DIP2A: variants seen among roughly 807,000 people sequenced by gnomAD.
DIP2A encodes the protein DIP2 acetate--CoA ligase A, also known as disco-interacting protein 2 homolog A.
A neutral mutation model predicts 177.4 loss-of-function variants in DIP2A; 85 were observed. That is an observed-to-expected ratio of 0.48 (90% CI 0.40 to 0.57). The LOEUF is 0.57. DIP2A is among the 20% of genes least tolerant of loss of function. The pLI is 0.00. For synonymous variants in DIP2A, 886 were observed against 881.8 expected, an observed-to-expected ratio of 1.00 and a Z score of -0.08; for missense variants, 1,791 against 2,100.2, an observed-to-expected ratio of 0.85 and a Z score of 2.88.
intron 22 of DIP2A, chr21:46,550,206 A>G (rs926815413): frequency 1.3e-6 from 1 of 746,480 alleles, no homozygotes; most frequent in Non-Finnish European, 2.1e-6. Flanking sequence ...AGTCTGTGCA[A>G]TATATCTCAA....
At chr21:46,531,055 C>T (rs1312994743) in intron 9 of DIP2A, among the ~76,000 whole-genome samples, 5 of 152,064 alleles carry the variant, frequency 3.3e-5, no homozygotes, top group Non-Finnish European at 7.4e-5. Context: ...AGAAGATGTC[C>T]CTCAGCCACA....
At position 46,557,554 on chromosome 21, in the gene DIP2A, G is replaced by T; in HGVS notation, c.3630-31G>T. 1 of 1,588,854 alleles carries T rather than the reference G, an allele frequency of 6.3e-7. No homozygotes were observed. The highest frequency in any genetic ancestry group is 1.1e-5 in the South Asian group (1 of 89,712). ...GAGTGCCCAGGGTGCTGGGTGGGCG[G>T]GCGGAGCCTCACGAGCCTTCCCTCT... On this transcript the variant is annotated intron_variant, in intron 30 of 37. Coordinates refer to ENST00000417564, the MANE Select transcript of DIP2A (RefSeq NM_015151.4). This position sits in a 1 kb window ranked among gnomAD's most constrained non-coding sequence, Gnocchi z 6.0.
Position 46,556,176 on chromosome 21 carries a change from G to A in DIP2A, c.3498+85G>A, listed in dbSNP as rs936618040. ...AGGATGTCAGATGCAGATTTAAACT[G>A]ACAGGTCCTTCTTATGCAAAGCACA... On this transcript the variant is annotated intron_variant, in intron 29 of 37. Transcript: ENST00000417564. The surrounding 1 kb of genome is among the most constrained non-coding windows in gnomAD (Gnocchi z 4.5). 1.4e-6 allele frequency: 2 copies of A among 1,426,822 alleles called. No homozygotes were observed. The highest frequency in any genetic ancestry group is 4.6e-5 in the East Asian group (2 of 43,876). 88.4% of individuals were successfully genotyped at this position (1,426,822 alleles called of 1,614,324 possible). A position where few individuals can be genotyped will look rare whatever the true frequency, so the allele number is the denominator to read the frequency against.
intron 32 of DIP2A, 24 bp downstream of exon 32, chr21:46,558,417 C>G: frequency 6.4e-7 from 1 of 1,559,324 alleles, no homozygotes; most frequent in Non-Finnish European, 8.7e-7. Context: ...GGCTGCGGTT[C>G]TCGAAAGCTG....
At chr21:46,533,913 C>A in intron 11 of DIP2A, 91 bp from the exon 12 acceptor site, 1 of 1,129,224 alleles carries the variant, frequency 8.9e-7, no homozygotes, top group Non-Finnish European at 1.3e-6. Context: ...CGCTCAGTAG[C>A]TAGTGCTGCA....
At chr21:46,511,306 T>G in intron 7 of DIP2A, 111 bp from the exon 8 acceptor site, 1 of 1,172,650 alleles carries the variant, frequency 8.5e-7, no homozygotes, top group Non-Finnish European at 1.2e-6. Flanking sequence ...TATTGTAAGC[T>G]TTTTTATAGT....
At chr21:46,526,735 T>C (rs942862106) in intron 8 of DIP2A, among the ~76,000 whole-genome samples, 1 of 152,166 alleles carries the variant, frequency 6.6e-6, no homozygotes, top group Admixed American at 6.5e-5. Context: ...TCAAATGGTG[T>C]TTGTATGTTG....
At chr21:46,571,807 G>A (rs1327846890), downstream of DIP2A, among the ~76,000 whole-genome samples, 3 of 152,224 alleles carry the variant, frequency 2.0e-5, no homozygotes, top group Non-Finnish European at 2.9e-5. Flanking sequence ...GGGCTGAGAT[G>A]ATGGGGTTTT....
At chr21:46,529,262 C>G in intron 9 of DIP2A, 79 bp downstream of exon 9, 1 of 922,120 alleles carries the variant, frequency 1.1e-6, no homozygotes, top group Non-Finnish European at 1.6e-6. Flanking sequence ...AATTAGTGTT[C>G]TATCATTTAG....
At chr21:46,509,853 G>A (rs967257624) in intron 7 of DIP2A, among the ~76,000 whole-genome samples, 6 of 152,034 alleles carry the variant, frequency 3.9e-5, no homozygotes, top group Non-Finnish European at 7.3e-5. Context: ...TGAGTGTGTC[G>A]TTAGGGCCAC....
intron 6 of DIP2A, among the ~76,000 whole-genome samples, chr21:46,506,420 T>A (rs1000990956): frequency 2.0e-5 from 3 of 152,196 alleles, no homozygotes; most frequent in African/African-American, 7.2e-5. Context: ...ACCCAGCCTA[T>A]TTTAACTTTT....
chr21:46,550,881 G>A (rs535687416), intron 23 of DIP2A, 137 bp downstream of exon 23: 1 of 903,552 alleles, frequency 1.1e-6, no homozygotes, highest in African/African-American at 1.7e-5. Context: ...GCCAGAGCGA[G>A]TGTGCACCCC....
At chr21:46,475,969 C>T (rs1329639766) in intron 1 of DIP2A, among the ~76,000 whole-genome samples, 1 of 152,090 alleles carries the variant, frequency 6.6e-6, no homozygotes, top group African/African-American at 2.4e-5. Flanking sequence ...GGCGCAGTGG[C>T]TCACGCCTGT....
At chr21:46,511,370 C>T (rs775710010) in intron 7 of DIP2A, 47 bp from the exon 8 acceptor site, 381 of 1,523,174 alleles carry the variant, frequency 2.5e-4, no homozygotes, top group Non-Finnish European at 3.1e-4. Flanking sequence ...AGAATGTGTT[C>T]GTGGTGCTCT....
In DIP2A at chr21:46,569,130, G is replaced by T. The variant is rs777567730; in HGVS notation, c.*1508G>T. The T allele has an allele frequency of 1.3e-5, 2 of 152,144 alleles. No individual in the cohort carries two copies. The highest frequency in any genetic ancestry group is 2.9e-5 in the Non-Finnish European group (2 of 68,032). The allele number at this position is 152,144 out of a possible 1,614,324, so 9.4% of individuals were successfully genotyped here. A position where few individuals can be genotyped will look rare whatever the true frequency, so the allele number is the denominator to read the frequency against. ...GTTACGAAATTGTTGGGTTTTTGGG[G>T]TATTGAGGGTGGCAAATTTTGTGAA... On this transcript the variant is annotated 3_prime_UTR_variant, in exon 38 of 38. Coordinates refer to ENST00000417564, the MANE Select transcript of DIP2A (RefSeq NM_015151.4).
In DIP2A at chr21:46,541,736, A is replaced by T; in HGVS notation, c.2037-20A>T. On this transcript the variant is annotated intron_variant, in intron 17 of 37. Coordinates refer to ENST00000417564, the MANE Select transcript of DIP2A (RefSeq NM_015151.4). ...TTCATCCCCCTCGTCAGTTAAACCC[A>T]TGGTGGTTTTATTTTCTAGGCCACC... is the stretch of plus-strand genomic sequence containing the variant. 6.2e-7 allele frequency: 1 copy of T among 1,613,620 alleles called. No individual in the cohort carries two copies.
chr21:46,561,808 A>G lies in DIP2A; in HGVS notation c.4089+3A>G. 1 of 1,613,874 alleles carries G rather than the reference A, an allele frequency of 6.2e-7. No individual in the cohort carries two copies. Among genetic ancestry groups the G allele is most frequent in the Non-Finnish European group, 8.5e-7 (1 of 1,179,812 alleles). The stretch of plus-strand genomic sequence containing the variant: ...TGCCATTGATGGAGTCTGGAAAGGT[A>G]GTGGAAACCAAGACGCGTGCATTCT... On this transcript the variant is annotated splice_donor_region_variant and intron_variant, in intron 34 of 37. Transcript: ENST00000417564.
rs1217743788 is a variant in DIP2A, at chr21:46,569,284, C to T, written c.*1662C>T. The T allele has an allele frequency of 6.6e-6, 1 of 152,198 alleles. No individual in the cohort carries two copies. 9.4% of individuals were successfully genotyped at this position (152,198 alleles called of 1,614,324 possible). On this transcript the variant is annotated 3_prime_UTR_variant, in exon 38 of 38. Coordinates refer to ENST00000417564, the MANE Select transcript of DIP2A (RefSeq NM_015151.4). ...GCCAGCTCTCATGTTTTACTCCTGT[C>T]TGGCTACAAATAGCACTGTGCATAG...
rs929923190 is a variant in DIP2A, at chr21:46,565,825, T to A, written c.4277T>A (p.Ile1426Asn). The A allele has an allele frequency of 1.1e-5, 18 of 1,613,836 alleles. No homozygotes were observed. The highest frequency in any genetic ancestry group is 1.4e-5 in the Non-Finnish European group (16 of 1,179,898). Residue 1426 changes from isoleucine (I) to asparagine (N), a missense_variant, in exon 36 of 38, where the codon ATC becomes AAC. Transcript: ENST00000417564. ...ARLSFGDTQT[I>N]WARTGYLGFL... ...CTGAGTTTTGGAGACACACAGACCA[T>A]CTGGGCAAGGACCGGCTACCTTGGC...
Sources: gnomAD v4.1 joint callset for allele counts (sites outside exome capture counted in the v4.1 genomes callset) on GRCh38, gnomAD v4.1.1 for gene constraint, Gnocchi (gnomAD v3.1) non-coding constraint, MANE v1.5 for transcripts, NCBI Gene and HGNC (gene_info 2026-07-23, HGNC 2026-07-21) for gene names.